SMC2: variants seen among roughly 807,000 people sequenced by gnomAD.
SMC2 encodes the protein structural maintenance of chromosomes protein 2.
In SMC2, 41 loss-of-function variants were observed where a neutral mutation model predicts 142.6. The ratio of observed to expected loss-of-function variants is 0.29; its 90% CI spans 0.22 to 0.37. The LOEUF (loss-of-function observed/expected upper bound fraction) is 0.37, where lower values mean the gene tolerates loss of function less well. Among genes scored for constraint, SMC2 ranks in the 10% least tolerant of loss-of-function variants. The probability of loss-of-function intolerance (pLI) is 1.00; values close to 1 mark genes in which losing one functional copy is unlikely to be tolerated. For missense variants in SMC2, 1,265 were observed against 1,373.7 expected, an observed-to-expected ratio of 0.92 and a Z score of 1.25; for synonymous variants, 463 against 457.5, an observed-to-expected ratio of 1.01 and a Z score of -0.15.
At chr9:104,125,192 A>T in intron 18 of SMC2, 87 bp downstream of exon 18, 3 of 906,104 alleles carry the variant, frequency 3.3e-6, no homozygotes, top group Non-Finnish European at 5.0e-6. Flanking sequence ...GACCTTATTC[A>T]TCAGAATTGA....
intron 16 of SMC2, among the ~76,000 whole-genome samples, chr9:104,122,529 A>G (rs1587968582): frequency 1.3e-5 from 2 of 150,598 alleles, no homozygotes; most frequent in African/African-American, 2.4e-5. Context: ...GTGAATTTGT[A>G]TTAACTTGAA....
intron 20 of SMC2, among the ~76,000 whole-genome samples, chr9:104,128,790 A>G (rs1258227415): frequency 6.6e-6 from 1 of 152,200 alleles, no homozygotes; most frequent in Non-Finnish European, 1.5e-5. Flanking sequence ...ATTATTATAC[A>G]GTGCCTTTTT....
Position 104,129,692 on chromosome 9 carries a change from C to A in SMC2, c.2838C>A (p.His946Gln). 2 of 1,613,994 alleles carry A rather than the reference C, an allele frequency of 1.2e-6. No individual in the cohort carries two copies. The highest frequency in any genetic ancestry group is 1.7e-6 in the Non-Finnish European group (2 of 1,179,958). ...ATGACTGGATTAATGCAGAGAGACA[C>A]CTCTTTGGCCAACCCAATAGTGCCT... is the stretch of plus-strand genomic sequence containing the variant. ...KDYDWINAERHLFGQPNSAYD... is the reference protein window; with the variant it reads ...KDYDWINAERQLFGQPNSAYD... Residue 946 changes from histidine to glutamine, a missense_variant, in exon 21 of 25, where the codon CAC becomes CAA. Around this residue, in one of 4 missense-constraint regions of SMC2, gnomAD observed 898 missense variants for 904.2 expected, o/e 0.99. Coordinates refer to ENST00000374793, the MANE Select transcript of SMC2 (RefSeq NM_006444.3).
At position 104,100,571 on chromosome 9, in the gene SMC2, C is replaced by T. The variant is rs1831001148; in HGVS notation, c.636+138C>T. On this transcript the variant is annotated intron_variant, in intron 7 of 24. Coordinates refer to ENST00000374793, the MANE Select transcript of SMC2 (RefSeq NM_006444.3). Reference sequence around the variant, plus strand: ...AGATAAGGAATTAGAGTTGGCACTCCATAACTCAGCGTTCTGCTTACAGAG... The same window carrying T: ...AGATAAGGAATTAGAGTTGGCACTCTATAACTCAGCGTTCTGCTTACAGAG... The T allele has an allele frequency of 2.1e-5, 12 of 572,724 alleles. No homozygotes were observed. In the South Asian group the frequency reaches 2.8e-4, roughly 13 times the overall value. 35.5% of individuals were successfully genotyped at this position (572,724 alleles called of 1,614,324 possible).
chr9:104,100,556 T>C, intron 7 of SMC2, 123 bp downstream of exon 7: 28 of 633,626 alleles, frequency 4.4e-5, no homozygotes, highest in South Asian at 1.0e-4. Context: ...AGATAAGGAA[T>C]TAGAGTTGGC....
chr9:104,113,580 C>T, intron 11 of SMC2, 105 bp downstream of exon 11: 2 of 865,154 alleles, frequency 2.3e-6, no homozygotes, highest in Non-Finnish European at 1.7e-6. Flanking sequence ...ATTTCTTAGC[C>T]TATTAACAAG....
At chr9:104,101,193 G>A (rs780562247) in intron 7 of SMC2, among the ~76,000 whole-genome samples, 1 of 151,962 alleles carries the variant, frequency 6.6e-6, no homozygotes, top group African/African-American at 2.4e-5. Flanking sequence ...CCTCGGCCTC[G>A]CAAAGTGCTG....
intron 9 of SMC2, among the ~76,000 whole-genome samples, chr9:104,103,057 G>C (rs1195264816): frequency 6.6e-6 from 1 of 152,036 alleles, no homozygotes; most frequent in Non-Finnish European, 1.5e-5. Context: ...AGATTTGGAG[G>C]CATCATCAAT....
Position 104,118,377 on chromosome 9 carries a change from TA to T in SMC2, c.1996+4del. On this transcript the variant is annotated splice_donor_region_variant and intron_variant, in intron 15 of 24. Transcript: ENST00000374793. ...ATCCTCATGGGACATTGAGTGGAGG[TA>T]AGTTTTATATCCTTTTCTCCTCACA... The T allele has an allele frequency of 6.2e-7, 1 of 1,609,172 alleles. No homozygotes were observed.
chr9:104,135,118 A>C (rs577131056), intron 23 of SMC2, among the ~76,000 whole-genome samples: 4 of 152,310 alleles, frequency 2.6e-5, no homozygotes, highest in African/African-American at 9.6e-5. Context: ...AGGTTAAAAA[A>C]AATTGAGATA....
chr9:104,096,256 T>A lies in SMC2; in HGVS notation c.277T>A (p.Leu93Ile). 6.2e-7 allele frequency: 1 copy of A among 1,614,164 alleles called. No individual in the cohort carries two copies. Among genetic ancestry groups the A allele is most frequent in the Non-Finnish European group, 8.5e-7 (1 of 1,179,982 alleles). Residue 93 changes from leucine (L) to isoleucine (I), a missense_variant, in exon 3 of 25, where the codon TTA (leucine) becomes ATA (isoleucine). Physicochemically the swap from Leu to Ile is conservative, Grantham distance 5. Transcript: ENST00000374793. ...FDNSDKKQSP[L>I]GFEVHDEITV... ...TAATTCTGACAAAAAGCAAAGTCCTTTAGGATTTGAGGTTCATGATGAAAT... is the reference window on the plus strand; with the variant it reads ...TAATTCTGACAAAAAGCAAAGTCCTATAGGATTTGAGGTTCATGATGAAAT...
chr9:104,103,638 A>G (rs971059109), intron 9 of SMC2, among the ~76,000 whole-genome samples: 12 of 152,208 alleles, frequency 7.9e-5, no homozygotes, highest in Non-Finnish European at 1.6e-4. Flanking sequence ...ATAGTCTCAC[A>G]TGTAGGTAGA....
intron 1 of SMC2, among the ~76,000 whole-genome samples, 197 bp from the exon 2 acceptor site, chr9:104,095,127 T>A (rs1247792200): frequency 6.6e-6 from 1 of 152,240 alleles, no homozygotes; most frequent in Non-Finnish European, 1.5e-5. Context: ...GACTTCCCAG[T>A]TGAATGGTTT....
Position 104,135,791 on chromosome 9 carries a change from G to T in SMC2, c.3269+1216G>T, listed in dbSNP as rs1835463004. 5.8e-6 allele frequency: 3 copies of T among 516,450 alleles called. No homozygotes were observed. The Admixed American group carries it at 5.9e-5, about 10-fold the overall frequency. The allele number at this position is 516,450 out of a possible 1,614,324, so 32.0% of individuals were successfully genotyped here. ...AAGTCTGGAACATCCGTAAAGTGCT[G>T]AAAGTATATGTCAACTTAGAATTGT... On this transcript the variant is annotated intron_variant, in intron 23 of 24. Coordinates refer to ENST00000374793, the MANE Select transcript of SMC2 (RefSeq NM_006444.3).
At chr9:104,089,800 CA>C (rs1829964357), upstream of SMC2, among the ~76,000 whole-genome samples, 1 of 152,050 alleles carries the variant, frequency 6.6e-6, no homozygotes, top group South Asian at 2.1e-4. Flanking sequence ...AGGCATGCAT[CA>C]CCACACCCAG....
chr9:104,124,855 A>C, intron 17 of SMC2, 57 bp from the exon 18 acceptor site: 2 of 1,370,834 alleles, frequency 1.5e-6, no homozygotes, highest in Non-Finnish European at 2.0e-6. Flanking sequence ...TTAAAAGTTG[A>C]ATTTGTCAAC....
intron 16 of SMC2, among the ~76,000 whole-genome samples, chr9:104,121,792 T>A (rs1231356997): frequency 6.6e-6 from 1 of 152,040 alleles, no homozygotes; most frequent in African/African-American, 2.4e-5. Flanking sequence ...TTTGTCTTTT[T>A]CTTTTTTTTT....
rs1339406287 is a variant in SMC2, at chr9:104,098,638, A to G, written c.441+70A>G. On this transcript the variant is annotated intron_variant, in intron 4 of 24. Coordinates refer to ENST00000374793, the MANE Select transcript of SMC2 (RefSeq NM_006444.3). Reference sequence around the variant, plus strand: ...CATTTTTTACTTTTAAGCAATTAAAATAGAAGTACTTTATGTTTTGGATTT... The same window carrying G: ...CATTTTTTACTTTTAAGCAATTAAAGTAGAAGTACTTTATGTTTTGGATTT... The G allele has an allele frequency of 6.4e-6, 9 of 1,412,138 alleles. No homozygotes were observed. The African/African-American group carries it at 1.2e-4, about 18-fold the overall frequency. 87.5% of individuals were successfully genotyped at this position (1,412,138 alleles called of 1,614,324 possible).
In SMC2 at chr9:104,118,667, AACACTGAATAATATTTACTGTATACCAG is replaced by A. The variant is rs1463666204; in HGVS notation, c.1996+296_1996+323del. 2.0e-5 allele frequency among the ~76,000 whole-genome samples: 3 copies of A among 151,720 alleles called. No homozygotes were observed. The East Asian group carries it at 5.8e-4, about 29-fold the overall frequency. On this transcript the variant is annotated intron_variant, in intron 15 of 24. Coordinates refer to ENST00000374793, the MANE Select transcript of SMC2 (RefSeq NM_006444.3). ...TCTTTGTCAAGACAATAGAATAACA[AACACTGAATAATATTTACTGTATACCAG>A]ACAGTGTTCTACACTATGCTGTCCA...
Sources: allele counts gnomAD v4.1 joint callset (sites outside exome capture counted in the v4.1 genomes callset), GRCh38; gene constraint gnomAD v4.1.1; regional missense constraint gnomAD v4.1.1; transcripts MANE v1.5; gene names NCBI Gene and HGNC (gene_info 2026-07-23, HGNC 2026-07-21).